The following BMPER variants were observed in gnomAD, a reference collection of about 807,000 sequenced individuals.
The protein encoded by BMPER is BMP-binding endothelial regulator protein.
In BMPER, 45 loss-of-function variants were observed where a neutral mutation model predicts 87.3. That is an observed-to-expected ratio of 0.52 (90% CI 0.41 to 0.66). BMPER has a LOEUF of 0.66. BMPER is among the 30% of genes least tolerant of loss of function. BMPER has a pLI of 0.00. For synonymous variants in BMPER, 326 were observed against 316.2 expected, an observed-to-expected ratio of 1.03 and a Z score of -0.33; for missense variants, 784 against 867.5, an observed-to-expected ratio of 0.90 and a Z score of 1.21.
intron 11 of BMPER, among the ~76,000 whole-genome samples, chr7:34,076,490 T>C (rs1388202061): frequency 6.6e-6 from 1 of 152,158 alleles, no homozygotes; most frequent in East Asian, 1.9e-4. Context: ...TTGTCCTTGA[T>C]TTTTCACTTA....
intron 2 of BMPER, among the ~76,000 whole-genome samples, chr7:33,936,232 G>C (rs377662825): frequency 3.8e-4 from 58 of 152,278 alleles, no homozygotes; most frequent in Middle Eastern, 3.4e-3. Flanking sequence ...GAGAGTTCTA[G>C]GTTCATTTCA....
chr7:34,005,373 T>A (rs1417266047), intron 6 of BMPER, among the ~76,000 whole-genome samples: 2 of 152,124 alleles, frequency 1.3e-5, no homozygotes, highest in Non-Finnish European at 2.9e-5. Context: ...TCTCTTATTT[T>A]TTCTCAATAC....
intron 2 of BMPER, among the ~76,000 whole-genome samples, chr7:33,923,137 C>T (rs1472769001): frequency 1.3e-5 from 2 of 152,130 alleles, no homozygotes; most frequent in Admixed American, 6.5e-5. Flanking sequence ...ATGAGTATCA[C>T]GGTCCTAGTT....
At chr7:33,963,871 T>G (rs932600741) in intron 3 of BMPER, among the ~76,000 whole-genome samples, 1 of 152,166 alleles carries the variant, frequency 6.6e-6, no homozygotes, top group African/African-American at 2.4e-5. Flanking sequence ...AATGCCTGGA[T>G]GTATGATGGA....
At chr7:33,940,258 A>G (rs564164501) in intron 3 of BMPER, among the ~76,000 whole-genome samples, 1 of 152,296 alleles carries the variant, frequency 6.6e-6, no homozygotes, top group South Asian at 2.1e-4. Context: ...AGGGCATAAC[A>G]TCTCTGTTAT....
intron 2 of BMPER, among the ~76,000 whole-genome samples, chr7:33,935,885 G>A (rs542382569): frequency 1.2e-3 from 185 of 152,270 alleles, no homozygotes; most frequent in Non-Finnish European, 2.0e-3. Flanking sequence ...AACACCGGTC[G>A]TGGCTTATTG....
At chr7:33,911,241 A>T (rs1027593123) in intron 2 of BMPER, among the ~76,000 whole-genome samples, 2 of 152,338 alleles carry the variant, frequency 1.3e-5, no homozygotes, top group African/African-American at 4.8e-5. Context: ...AATGTATAGG[A>T]TTGTGTCGGC....
intron 6 of BMPER, among the ~76,000 whole-genome samples, chr7:34,008,608 GTA>G (rs1312908256): frequency 6.6e-6 from 1 of 151,836 alleles, no homozygotes; most frequent in African/African-American, 2.4e-5. Context: ...AACAATAATA[GTA>G]ATTTTTCCTT....
intron 3 of BMPER, among the ~76,000 whole-genome samples, chr7:33,948,342 T>A (rs377053253): frequency 6.6e-6 from 1 of 152,316 alleles, no homozygotes; most frequent in East Asian, 1.9e-4. Flanking sequence ...GAGATAGAGT[T>A]GTGTTCAGAC....
At chr7:34,007,381 T>C (rs1334706455) in intron 6 of BMPER, among the ~76,000 whole-genome samples, 1 of 152,024 alleles carries the variant, frequency 6.6e-6, no homozygotes, top group African/African-American at 2.4e-5. Context: ...TGCAAGATAA[T>C]AAATGGTGAA....
rs369141474 is a variant in BMPER, at chr7:33,968,515, G to A, written c.403-1814G>A. Among the ~76,000 whole-genome samples, 66 of 152,270 alleles carry A rather than the reference G, an allele frequency of 4.3e-4. No homozygotes were observed. In the South Asian group the frequency reaches 0.013, roughly 29 times the overall value. On this transcript the variant is annotated intron_variant, in intron 4 of 14. Transcript: ENST00000649409. ...CAAAATCAGTAGCAGAGGATACAGC[G>A]TAGGGCAGTAGGTGAAATATGGATT...
chr7:34,151,596 G>T (rs1481084114), intron 14 of BMPER, among the ~76,000 whole-genome samples: 1 of 152,158 alleles, frequency 6.6e-6, no homozygotes, highest in Non-Finnish European at 1.5e-5. Context: ...CTAGTAATTA[G>T]CTGCTACTAA....
intron 13 of BMPER, among the ~76,000 whole-genome samples, chr7:34,122,086 G>A (rs1425493930): frequency 7.5e-6 from 1 of 134,004 alleles, no homozygotes; most frequent in Non-Finnish European, 1.6e-5. Flanking sequence ...TTATGCCACT[G>A]CACTCCAGCT....
At chr7:33,933,084 T>C (rs1784519039) in intron 2 of BMPER, among the ~76,000 whole-genome samples, 1 of 152,234 alleles carries the variant, frequency 6.6e-6, no homozygotes, top group African/African-American at 2.4e-5. Flanking sequence ...GCAAGCTGGC[T>C]GCCGGAATCC....
At chr7:33,940,535 G>A (rs1185389369) in intron 3 of BMPER, among the ~76,000 whole-genome samples, 1 of 152,176 alleles carries the variant, frequency 6.6e-6, no homozygotes, top group African/African-American at 2.4e-5. Context: ...AGGAATCCCA[G>A]TAAACCTCTC....
chr7:33,905,477 T>G, upstream of BMPER: 1 of 614,572 alleles, frequency 1.6e-6, no homozygotes, highest in South Asian at 3.3e-5. Context: ...CCCCCAGCTC[T>G]CGGGCGCCCG....
At chr7:34,038,086 C>T (rs988321442) in intron 6 of BMPER, among the ~76,000 whole-genome samples, 1 of 152,108 alleles carries the variant, frequency 6.6e-6, no homozygotes, top group Non-Finnish European at 1.5e-5. Context: ...CCAAGATGTC[C>T]ATGTCCTAAT....
chr7:33,935,069 C>G (rs905665499), intron 2 of BMPER, among the ~76,000 whole-genome samples: 3 of 152,194 alleles, frequency 2.0e-5, no homozygotes, highest in African/African-American at 4.8e-5. Context: ...AAAAATATGT[C>G]TCTTTATTTT....
At chr7:33,955,621 G>A (rs2128614588) in intron 3 of BMPER, among the ~76,000 whole-genome samples, 1 of 152,308 alleles carries the variant, frequency 6.6e-6, no homozygotes, top group East Asian at 1.9e-4. Flanking sequence ...GCTTCTCAAT[G>A]AGGCATAGAT....
Sources: allele counts gnomAD v4.1 joint callset (sites outside exome capture counted in the v4.1 genomes callset), GRCh38; gene constraint gnomAD v4.1.1; transcripts MANE v1.5; gene names NCBI Gene and HGNC (gene_info 2026-07-23, HGNC 2026-07-21).